Variants in GALNT11 observed in about 807,000 individuals in gnomAD.
GALNT11 encodes polypeptide N-acetylgalactosaminyltransferase 11.
In GALNT11, 47 loss-of-function variants were observed where a neutral mutation model predicts 72.7. The ratio of observed to expected loss-of-function variants is 0.65; its 90% CI spans 0.51 to 0.82. GALNT11 has a LOEUF of 0.82. Among genes scored for constraint, GALNT11 ranks in the 40% least tolerant of loss-of-function variants. The pLI, the probability that GALNT11 is intolerant of heterozygous loss-of-function variation, is 0.00. For missense variants in GALNT11, 677 were observed against 778.4 expected (o/e 0.87, Z 1.55); for synonymous variants, 270 against 286.6 (o/e 0.94, Z 0.58).
chr7:152,094,377 A>G lies in GALNT11; in HGVS notation c.150A>G (p.Pro50=). The G allele has an allele frequency of 6.2e-7, 1 of 1,614,202 alleles. No homozygotes were observed. Among genetic ancestry groups the G allele is most frequent in the Non-Finnish European group, 8.5e-7 (1 of 1,180,044 alleles). Residue 50 remains proline (P), a synonymous_variant, in exon 2 of 12, where the codon CCA becomes CCG. Coordinates refer to ENST00000430044, the MANE Select transcript of GALNT11 (RefSeq NM_022087.4). This position sits in a 1 kb window ranked among gnomAD's most constrained non-coding sequence, Gnocchi z 4.3. The part of the protein sequence containing the change: ...VPVKGSGPHG[P]SPKKFYPRFT... Reference sequence around the variant, plus strand: ...TCAAGGGGTCTGGGCCCCACGGACCATCTCCAAAAAAATTCTATCCCCGTT... The same window carrying G: ...TCAAGGGGTCTGGGCCCCACGGACCGTCTCCAAAAAAATTCTATCCCCGTT...
intron 1 of GALNT11, among the ~76,000 whole-genome samples, chr7:152,055,068 G>T (rs1406393492): frequency 6.6e-6 from 1 of 152,208 alleles, no homozygotes; most frequent in Admixed American, 6.5e-5. Flanking sequence ...TCCAAAGGCA[G>T]CGCGGGGGCA....
At chr7:152,113,712 CT>C (rs6150397) in intron 8 of GALNT11, among the ~76,000 whole-genome samples, 4 of 97,030 alleles carry the variant, frequency 4.1e-5, no homozygotes, top group Non-Finnish European at 6.1e-5. Flanking sequence ...AGTTGGCTTT[CT>C]TTTTTTTTTT....
chr7:152,077,549 C>T (rs1395645473), intron 1 of GALNT11, among the ~76,000 whole-genome samples: 1 of 152,060 alleles, frequency 6.6e-6, no homozygotes, highest in Non-Finnish European at 1.5e-5. Flanking sequence ...TGGGAGTGTG[C>T]CAGCCTTTGC....
At position 152,094,086 on chromosome 7, in the gene GALNT11, A is replaced by C; in HGVS notation, c.-38-104A>C. On this transcript the variant is annotated intron_variant, in intron 1 of 11. Transcript: ENST00000430044. This position sits in a 1 kb window ranked among gnomAD's most constrained non-coding sequence, Gnocchi z 4.3. ...TTGTATTTGAATATCCGTTAACTGT[A>C]CGCATAGTGGTCCTACTTGGTGGTT... 1.1e-6 allele frequency: 1 copy of C among 882,910 alleles called. No homozygotes were observed. The highest frequency in any genetic ancestry group is 1.8e-6 in the Non-Finnish European group (1 of 568,094). 54.7% of individuals were successfully genotyped at this position (882,910 alleles called of 1,614,324 possible). A position where few individuals can be genotyped will look rare whatever the true frequency, so the allele number is the denominator to read the frequency against.
chr7:152,073,448 C>T (rs2084781853), intron 1 of GALNT11, among the ~76,000 whole-genome samples: 1 of 152,204 alleles, frequency 6.6e-6, no homozygotes, highest in Non-Finnish European at 1.5e-5. Flanking sequence ...TCCTCCAGTT[C>T]CATCCATGTT....
intron 5 of GALNT11, chr7:152,107,707 C>T (rs1441248426): frequency 4.9e-6 from 1 of 205,460 alleles, no homozygotes; most frequent in African/African-American, 2.3e-5. Context: ...TACTCAATAT[C>T]TGGGCTTCCA....
chr7:152,072,397 A>G (rs2084707566), intron 1 of GALNT11, among the ~76,000 whole-genome samples: 1 of 152,302 alleles, frequency 6.6e-6, no homozygotes, highest in East Asian at 1.9e-4. Flanking sequence ...TTTAAATCAT[A>G]AATGTTATTG....
chr7:152,034,233 A>G (rs895548963), intron 1 of GALNT11, among the ~76,000 whole-genome samples: 1 of 152,028 alleles, frequency 6.6e-6, no homozygotes, highest in African/African-American at 2.4e-5. Context: ...TATAGGGAGG[A>G]TAGGATATGG....
At chr7:152,120,733 C>A in intron 10 of GALNT11, 98 bp from the exon 11 acceptor site, 1 of 1,099,998 alleles carries the variant, frequency 9.1e-7, no homozygotes, top group Non-Finnish European at 1.3e-6. Context: ...TCTGTTTCTG[C>A]TTTGAGACCT....
In GALNT11 at chr7:152,069,997, C is replaced by CTTTTTT. The variant is rs879494057; in HGVS notation, c.-38-24188_-38-24187insTTTTTT. Among the ~76,000 whole-genome samples, 6 of 143,434 alleles carry CTTTTTT rather than the reference C, an allele frequency of 4.2e-5. 1 individual carries two copies. Among genetic ancestry groups the CTTTTTT allele is most frequent in the African/African-American group, 1.1e-4 (4 of 35,326 alleles). 94.1% of individuals were successfully genotyped at this position (143,434 alleles called of 152,430 possible). A position where few individuals can be genotyped will look rare whatever the true frequency, so the allele number is the denominator to read the frequency against. On this transcript the variant is annotated intron_variant, in intron 1 of 11. Coordinates refer to ENST00000430044, the MANE Select transcript of GALNT11 (RefSeq NM_022087.4). ...TCTTTCTTTTTTCTTTTTTCTTTTT[C>CTTTTTT]TTTTTCTTTTTTTTTTTGAGACAGA...
intron 1 of GALNT11, among the ~76,000 whole-genome samples, chr7:152,059,381 C>G (rs1418087882): frequency 1.3e-5 from 2 of 152,066 alleles, no homozygotes; most frequent in African/African-American, 4.8e-5. Flanking sequence ...GGATTACAGG[C>G]ATGAGACACC....
intron 11 of GALNT11, 126 bp downstream of exon 11, chr7:152,121,094 C>T (rs1219052871): frequency 1.8e-6 from 2 of 1,114,706 alleles, no homozygotes; most frequent in Non-Finnish European, 2.5e-6. Flanking sequence ...CAGTGGTCCC[C>T]CCAGAAACCA....
At chr7:152,034,509 G>C (rs1443543674) in intron 1 of GALNT11, among the ~76,000 whole-genome samples, 1 of 152,120 alleles carries the variant, frequency 6.6e-6, no homozygotes, top group African/African-American at 2.4e-5. Context: ...GGGTCAAATT[G>C]GTCCCAGTGG....
chr7:152,099,238 G>A (rs1027751531), intron 2 of GALNT11, among the ~76,000 whole-genome samples: 2 of 151,454 alleles, frequency 1.3e-5, no homozygotes, highest in African/African-American at 4.9e-5. Context: ...CACCACGCCC[G>A]GCTGGAAACA....
At chr7:152,117,596 G>A (rs758883451) in intron 9 of GALNT11, 5 of 578,596 alleles carry the variant, frequency 8.6e-6, no homozygotes, top group Non-Finnish European at 1.5e-5. Flanking sequence ...CTTCTGTGAG[G>A]GTAAGTTATG....
At chr7:152,083,285 G>A (rs568142470) in intron 1 of GALNT11, among the ~76,000 whole-genome samples, 2 of 152,108 alleles carry the variant, frequency 1.3e-5, no homozygotes, top group South Asian at 2.1e-4. Context: ...TTCTCTTCTA[G>A]TACTTGTATG....
At chr7:152,072,177 G>C (rs2084689928) in intron 1 of GALNT11, among the ~76,000 whole-genome samples, 1 of 150,828 alleles carries the variant, frequency 6.6e-6, no homozygotes. Flanking sequence ...AAATTAGCTG[G>C]GCATGTTGGC....
intron 1 of GALNT11, among the ~76,000 whole-genome samples, chr7:152,078,067 G>A (rs962867053): frequency 2.0e-5 from 3 of 151,844 alleles, no homozygotes; most frequent in Non-Finnish European, 2.9e-5. Flanking sequence ...CGAGAGATCA[G>A]AAGAAACCTC....
chr7:152,027,908 GGTTC>G (rs2082107087), intron 1 of GALNT11, among the ~76,000 whole-genome samples: 1 of 117,170 alleles, frequency 8.5e-6, no homozygotes, highest in African/African-American at 6.6e-5. Context: ...CCTCCCAGTG[GGTTC>G]ATGAGCTCAC....
Sources: allele counts gnomAD v4.1 joint callset (sites outside exome capture counted in the v4.1 genomes callset), GRCh38; gene constraint gnomAD v4.1.1; non-coding constraint Gnocchi (gnomAD v3.1); transcripts MANE v1.5; gene names NCBI Gene and HGNC (gene_info 2026-07-23, HGNC 2026-07-21).